The following MAP2K5 variants were observed in gnomAD, a reference collection of about 807,000 sequenced individuals.
MAP2K5 encodes the protein mitogen-activated protein kinase kinase 5.
A neutral mutation model predicts 83.1 loss-of-function variants in MAP2K5; 49 were observed. That is an observed-to-expected ratio of 0.59 (90% CI 0.47 to 0.75). The LOEUF is 0.75. Among genes scored for constraint, MAP2K5 ranks in the 30% least tolerant of loss-of-function variants. The pLI is 0.00. For missense variants in MAP2K5, 457 were observed against 557.5 expected, an observed-to-expected ratio of 0.82 and a Z score of 1.82; for synonymous variants, 202 against 191.8, an observed-to-expected ratio of 1.05 and a Z score of -0.44.
At position 67,612,073 on chromosome 15, in the gene MAP2K5, CTTTTT is replaced by C. The variant is rs57650533; in HGVS notation, c.545+11338_545+11342del. Reference sequence around the variant, plus strand: ...CCCTGGAAATTTTATCTTTGGTTTTCTTTTTTTTTTTTTTTTTTCACTGCCATGAT... The same window carrying C: ...CCCTGGAAATTTTATCTTTGGTTTTCTTTTTTTTTTTTTCACTGCCATGAT... On this transcript the variant is annotated intron_variant, in intron 8 of 21. Coordinates refer to ENST00000178640, the MANE Select transcript of MAP2K5 (RefSeq NM_145160.3). 1.8e-4 allele frequency among the ~76,000 whole-genome samples: 21 copies of C among 117,220 alleles called. No individual in the cohort carries two copies. The East Asian group carries it at 3.2e-3, about 18-fold the overall frequency. 76.9% of individuals were successfully genotyped at this position (117,220 alleles called of 152,430 possible).
In MAP2K5 at chr15:67,725,396, G is replaced by A. The variant is rs146749811; in HGVS notation, c.1045-2520G>A. 7.9e-5 allele frequency among the ~76,000 whole-genome samples: 12 copies of A among 152,286 alleles called. No individual in the cohort carries two copies. In the South Asian group the frequency reaches 1.7e-3, roughly 21 times the overall value. ...CACATTTTTTGCTGTATCTCACTCC[G>A]TTTTAAGCCGTCCATTTACCATTGC... On this transcript the variant is annotated intron_variant, in intron 16 of 21. Transcript: ENST00000178640.
chr15:67,705,983 G>A (rs561101950), intron 16 of MAP2K5, among the ~76,000 whole-genome samples: 3 of 152,152 alleles, frequency 2.0e-5, no homozygotes, highest in South Asian at 2.1e-4. Context: ...ATATAGCCTT[G>A]TAGGCCATGC....
chr15:67,788,445 G>C (rs2090456500), intron 21 of MAP2K5, among the ~76,000 whole-genome samples: 1 of 152,112 alleles, frequency 6.6e-6, no homozygotes, highest in African/African-American at 2.4e-5. Context: ...CTTCATTATT[G>C]AAGGTAGATG....
chr15:67,714,475 G>T lies in MAP2K5; in HGVS notation c.1044+11067G>T, dbSNP rs187539088. On this transcript the variant is annotated intron_variant, in intron 16 of 21. Transcript: ENST00000178640. ...AAAAAACCACCACCCTGACACAGCTGTTTCTAATGGGTGTGTGGTTGTGGC... is the reference window on the plus strand; with the variant it reads ...AAAAAACCACCACCCTGACACAGCTTTTTCTAATGGGTGTGTGGTTGTGGC... Among the ~76,000 whole-genome samples the T allele has an allele frequency of 3.0e-5, 4 of 133,386 alleles. No homozygotes were observed. In the East Asian group the frequency reaches 9.3e-4, roughly 31 times the overall value. 87.5% of individuals were successfully genotyped at this position (133,386 alleles called of 152,430 possible).
chr15:67,572,917 C>T lies in MAP2K5; in HGVS notation c.253-7837C>T, dbSNP rs2084977833. On this transcript the variant is annotated intron_variant, in intron 3 of 21. Transcript: ENST00000178640. This position sits in a 1 kb window ranked among gnomAD's most constrained non-coding sequence, Gnocchi z 4.2. ...TTTCACGTATTGGCCAGGCTGGTCT[C>T]AAACTCCTGACCTTGTGATCTGCCT... is the stretch of plus-strand genomic sequence containing the variant. 1.3e-5 allele frequency among the ~76,000 whole-genome samples: 2 copies of T among 152,082 alleles called. No individual in the cohort carries two copies. Among genetic ancestry groups the T allele is most frequent in the South Asian group, 4.2e-4 (2 of 4,816 alleles).
At chr15:67,628,646 A>G in intron 8 of MAP2K5, 2 of 1,045,804 alleles carry the variant, frequency 1.9e-6, no homozygotes, top group Non-Finnish European at 2.9e-6. Flanking sequence ...GACTCTGTGG[A>G]TAAGACTGTC....
At chr15:67,735,531 TGCTCTCAAAAGAGTGCAG>T (rs2089320896) in intron 17 of MAP2K5, among the ~76,000 whole-genome samples, 1 of 152,204 alleles carries the variant, frequency 6.6e-6, no homozygotes, top group South Asian at 2.1e-4. Context: ...ATGTGGTCTC[TGCTCTCAAAAGAGTGCAG>T]TCCAGTTGGA....
intron 7 of MAP2K5, among the ~76,000 whole-genome samples, chr15:67,595,976 C>CTTTTTTT (rs11335365): frequency 6.9e-6 from 1 of 144,932 alleles, no homozygotes. Context: ...GTTATTTTTT[C>CTTTTTTT]TTTTTTTTTT....
rs1308090799 is a variant in MAP2K5 at position 67,748,717 on chromosome 15, G to C, written c.1134+116G>C. On this transcript the variant is annotated intron_variant, in intron 19 of 21. Coordinates refer to ENST00000178640, the MANE Select transcript of MAP2K5 (RefSeq NM_145160.3). This position sits in a 1 kb window ranked among gnomAD's most constrained non-coding sequence, Gnocchi z 4.0. ...CAACATCCTTGGAGCAAGTTGTGTT[G>C]TATGGCTCTGAGCTATGTTACGTGA... 3.2e-6 allele frequency: 3 copies of C among 950,880 alleles called. No individual in the cohort carries two copies. Among genetic ancestry groups the C allele is most frequent in the East Asian group, 2.4e-5 (1 of 40,826 alleles). 58.9% of individuals were successfully genotyped at this position (950,880 alleles called of 1,614,324 possible).
At chr15:67,628,007 C>T in intron 8 of MAP2K5, 1 of 740,456 alleles carries the variant, frequency 1.4e-6, no homozygotes, top group Admixed American at 1.8e-5. Context: ...GCACCAAGTG[C>T]TCCTGGGGCT....
Position 67,750,762 on chromosome 15 carries a change from A to G in MAP2K5, c.1134+2161A>G, listed in dbSNP as rs2089700817. On this transcript the variant is annotated intron_variant, in intron 19 of 21. Transcript: ENST00000178640. This position sits in a 1 kb window ranked among gnomAD's most constrained non-coding sequence, Gnocchi z 4.2. ...CAATTAGCTAGCTATCTTCATTTGC[A>G]TCTGACTTTTAGACCTTTTATTTGT... Among the ~76,000 whole-genome samples, 1 of 152,174 alleles carries G rather than the reference A, an allele frequency of 6.6e-6. No individual in the cohort carries two copies. Among genetic ancestry groups the G allele is most frequent in the Non-Finnish European group, 1.5e-5 (1 of 68,038 alleles).
chr15:67,555,452 G>A lies in MAP2K5; in HGVS notation c.184+5370G>A, dbSNP rs1364886461. Among the ~76,000 whole-genome samples the A allele has an allele frequency of 7.9e-6, 1 of 125,930 alleles. No individual in the cohort carries two copies. Among genetic ancestry groups the A allele is most frequent in the East Asian group, 2.5e-4 (1 of 3,998 alleles). The allele number at this position is 125,930 out of a possible 152,430, so 82.6% of individuals were successfully genotyped here. A position where few individuals can be genotyped will look rare whatever the true frequency, so the allele number is the denominator to read the frequency against. On this transcript the variant is annotated intron_variant, in intron 2 of 21. Coordinates refer to ENST00000178640, the MANE Select transcript of MAP2K5 (RefSeq NM_145160.3). This position sits in a 1 kb window ranked among gnomAD's most constrained non-coding sequence, Gnocchi z 5.2. ...TGCAACATTGGGGATCACTTTGGAG[G>A]GGACAAATATTCAAACCATATCATT... is the stretch of plus-strand genomic sequence containing the variant.
At chr15:67,684,847 A>G (rs1596790887) in intron 13 of MAP2K5, among the ~76,000 whole-genome samples, 1 of 152,228 alleles carries the variant, frequency 6.6e-6, no homozygotes, top group Non-Finnish European at 1.5e-5. Context: ...TAGACACTAC[A>G]GAAGAAATTG....
intron 21 of MAP2K5, among the ~76,000 whole-genome samples, chr15:67,805,666 C>T (rs3784718): frequency 0.3 from 45,362 of 151,962 alleles, 7,773 homozygotes; most frequent in East Asian, 0.59. Flanking sequence ...AGGCACATGG[C>T]GCCCTCATCT....
chr15:67,597,719 G>A (rs1475173124), intron 7 of MAP2K5, among the ~76,000 whole-genome samples: 1 of 151,972 alleles, frequency 6.6e-6, no homozygotes, highest in Non-Finnish European at 1.5e-5. Flanking sequence ...TCATAGTTAA[G>A]ATCAATTAAA....
chr15:67,567,306 T>C (rs2084858069), intron 3 of MAP2K5, among the ~76,000 whole-genome samples: 2 of 152,104 alleles, frequency 1.3e-5, no homozygotes, highest in South Asian at 4.1e-4. Context: ...ACTTCTGGGA[T>C]CACGGCTTTT....
chr15:67,685,592 A>G (rs1427410550), intron 13 of MAP2K5, among the ~76,000 whole-genome samples: 1 of 152,220 alleles, frequency 6.6e-6, no homozygotes, highest in Non-Finnish European at 1.5e-5. Flanking sequence ...AAATAAAGAC[A>G]TTATATTATG....
chr15:67,548,316 G>C (rs543506092), intron 1 of MAP2K5, among the ~76,000 whole-genome samples: 37 of 152,256 alleles, frequency 2.4e-4, no homozygotes, highest in African/African-American at 8.4e-4. Context: ...ACCTACACTG[G>C]CTAGAATGAG....
At chr15:67,763,530 T>A (rs2089989531) in intron 19 of MAP2K5, among the ~76,000 whole-genome samples, 1 of 152,218 alleles carries the variant, frequency 6.6e-6, no homozygotes. Context: ...TATAGCTGAT[T>A]TCCCAGAATC....
Sources: allele counts gnomAD v4.1 joint callset (sites outside exome capture counted in the v4.1 genomes callset), GRCh38; gene constraint gnomAD v4.1.1; non-coding constraint Gnocchi (gnomAD v3.1); transcripts MANE v1.5; gene names NCBI Gene and HGNC (gene_info 2026-07-23, HGNC 2026-07-21).